SLC9A9: variants seen among roughly 807,000 people sequenced by gnomAD.
The protein encoded by SLC9A9 is sodium/hydrogen exchanger 9.
Under a neutral mutation model 77.8 loss-of-function variants are expected in SLC9A9, and 62 were observed. The observed-to-expected ratio is 0.80, with a 90% CI of 0.65 to 0.98. The LOEUF (loss-of-function observed/expected upper bound fraction) is 0.98. Among genes scored for constraint, SLC9A9 ranks in the 50% least tolerant of loss-of-function variants. The pLI, the probability that SLC9A9 is intolerant of heterozygous loss-of-function variation, is 0.00. For missense variants in SLC9A9, 775 were observed against 774.9 expected, an observed-to-expected ratio of 1.00 and a Z score of 0.00; for synonymous variants, 320 against 283.5, an observed-to-expected ratio of 1.13 and a Z score of -1.29.
chr3:143,294,731 T>C lies in SLC9A9; in HGVS notation c.1605-25751A>G, dbSNP rs114964666. ...TTCCACTGAAATTCCCAAGTCAGTG[T>C]TGCCATTTTGCAGATGAAAGAACTG... On this transcript the variant is annotated intron_variant, in intron 14 of 15. Transcript: ENST00000316549. Among the ~76,000 whole-genome samples the C allele has an allele frequency of 8.9e-3, 1,357 of 152,316 alleles. 30 individuals are homozygous for C. Among genetic ancestry groups the C allele is most frequent in the South Asian group, 0.074 (359 of 4,828 alleles).
intron 4 of SLC9A9, among the ~76,000 whole-genome samples, chr3:143,760,425 A>T (rs2007079572): frequency 6.6e-6 from 1 of 152,208 alleles, no homozygotes; most frequent in African/African-American, 2.4e-5. Context: ...TGCGGATGAC[A>T]TGATTGTATA....
chr3:143,583,752 C>T (rs1343714401), intron 6 of SLC9A9, among the ~76,000 whole-genome samples: 1 of 152,140 alleles, frequency 6.6e-6, no homozygotes, highest in Non-Finnish European at 1.5e-5. Flanking sequence ...TTAAATAAAT[C>T]ACCTCTCTCT....
At chr3:143,748,848 C>T (rs933911539) in intron 4 of SLC9A9, among the ~76,000 whole-genome samples, 2 of 151,586 alleles carry the variant, frequency 1.3e-5, no homozygotes, top group African/African-American at 4.8e-5. Context: ...GGACTACAGG[C>T]GCCCGCCACC....
At chr3:143,605,227 C>T (rs1299984354) in intron 6 of SLC9A9, among the ~76,000 whole-genome samples, 1 of 152,208 alleles carries the variant, frequency 6.6e-6, no homozygotes. Context: ...CTCAAACATT[C>T]AGCAGCTAAC....
intron 12 of SLC9A9, among the ~76,000 whole-genome samples, chr3:143,421,656 G>A (rs1321233841): frequency 6.6e-6 from 1 of 152,044 alleles, no homozygotes; most frequent in African/African-American, 2.4e-5. Flanking sequence ...AGAAACCCAG[G>A]AAATACCATT....
intron 12 of SLC9A9, among the ~76,000 whole-genome samples, chr3:143,417,381 C>T (rs1343978625): frequency 2.0e-5 from 3 of 150,632 alleles, no homozygotes; most frequent in Non-Finnish European, 2.9e-5. Context: ...ACTTTTAGGA[C>T]ACAGTTAAGG....
At chr3:143,278,707 A>G (rs1417274290) in intron 14 of SLC9A9, among the ~76,000 whole-genome samples, 1 of 152,224 alleles carries the variant, frequency 6.6e-6, no homozygotes, top group East Asian at 1.9e-4. Flanking sequence ...CCTTGTCTTA[A>G]CTACATATAT....
chr3:143,556,210 C>T (rs2036978120), intron 8 of SLC9A9, among the ~76,000 whole-genome samples: 1 of 152,182 alleles, frequency 6.6e-6, no homozygotes, highest in Non-Finnish European at 1.5e-5. Flanking sequence ...CTAGATAGTT[C>T]TCTTAAACTC....
chr3:143,421,326 A>G (rs929148441), intron 12 of SLC9A9, among the ~76,000 whole-genome samples: 2 of 152,238 alleles, frequency 1.3e-5, no homozygotes, highest in African/African-American at 4.8e-5. Flanking sequence ...CTAGGCAAAA[A>G]GAACAAAGTT....
chr3:143,796,716 A>G, intron 3 of SLC9A9, 110 bp downstream of exon 3: 2 of 723,924 alleles, frequency 2.8e-6, no homozygotes, highest in Non-Finnish European at 4.6e-6. Context: ...AATTTAAGAT[A>G]ATGATACTCT....
chr3:143,813,375 AC>A (rs2008920589), intron 2 of SLC9A9, among the ~76,000 whole-genome samples: 1 of 151,938 alleles, frequency 6.6e-6, no homozygotes, highest in Non-Finnish European at 1.5e-5. Context: ...AAAGGCTTTA[AC>A]CCCCTGATCC....
chr3:143,616,175 C>T (rs760465924), intron 6 of SLC9A9, among the ~76,000 whole-genome samples: 12 of 151,440 alleles, frequency 7.9e-5, no homozygotes, highest in Non-Finnish European at 1.5e-4. Context: ...GAGCCACTGC[C>T]CTGGGCCTAA....
chr3:143,720,626 C>G (rs773707375), intron 4 of SLC9A9, among the ~76,000 whole-genome samples: 1 of 152,164 alleles, frequency 6.6e-6, no homozygotes, highest in Non-Finnish European at 1.5e-5. Context: ...CTGACACACC[C>G]TTTATAATTG....
chr3:143,397,546 G>C (rs962769524), intron 12 of SLC9A9, among the ~76,000 whole-genome samples: 1 of 152,172 alleles, frequency 6.6e-6, no homozygotes, highest in African/African-American at 2.4e-5. Context: ...AACCATTGTG[G>C]TTATTTCACA....
At chr3:143,400,271 A>G (rs2033823918) in intron 12 of SLC9A9, among the ~76,000 whole-genome samples, 1 of 152,306 alleles carries the variant, frequency 6.6e-6, no homozygotes. Context: ...GAAAAATTCA[A>G]AAGAGTATTT....
chr3:143,323,727 A>G (rs149620371), intron 14 of SLC9A9, among the ~76,000 whole-genome samples: 2 of 152,322 alleles, frequency 1.3e-5, no homozygotes, highest in Non-Finnish European at 2.9e-5. Flanking sequence ...AAACATACTG[A>G]CTTGATCGGT....
At position 143,266,003 on chromosome 3, in the gene SLC9A9, T is replaced by C. The variant is rs1436606308; in HGVS notation, c.*699A>G. On this transcript the variant is annotated 3_prime_UTR_variant, in exon 16 of 16. Transcript: ENST00000316549. ...GAGAAGAAACCTGGTTTTCTTGGAA[T>C]GGTCCTACTAAGCTTGAAAGTGGTG... 2.9e-6 allele frequency: 2 copies of C among 697,216 alleles called. No individual in the cohort carries two copies. The highest frequency in any genetic ancestry group is 5.2e-6 in the Non-Finnish European group (2 of 382,768). 43.2% of individuals were successfully genotyped at this position (697,216 alleles called of 1,614,324 possible).
At chr3:143,644,217 T>TC (rs1430038160) in intron 6 of SLC9A9, among the ~76,000 whole-genome samples, 2 of 152,240 alleles carry the variant, frequency 1.3e-5, no homozygotes, top group Non-Finnish European at 2.9e-5. Context: ...GAATTGGGTT[T>TC]CTATCACTTT....
At chr3:143,356,036 A>G (rs1039103843) in intron 14 of SLC9A9, among the ~76,000 whole-genome samples, 4 of 152,216 alleles carry the variant, frequency 2.6e-5, no homozygotes, top group African/African-American at 9.6e-5. Context: ...ACCAAAGCTT[A>G]TGTAGAATCC....
Sources: gnomAD v4.1 joint callset for allele counts (sites outside exome capture counted in the v4.1 genomes callset) on GRCh38, gnomAD v4.1.1 for gene constraint, MANE v1.5 for transcripts, NCBI Gene and HGNC (gene_info 2026-07-23, HGNC 2026-07-21) for gene names.